Variants in METTL15 observed in about 807,000 individuals in gnomAD.
METTL15 encodes the protein 12S rRNA N(4)-cytidine methyltransferase METTL15.
In METTL15, 34 loss-of-function variants were observed where a neutral mutation model predicts 38.3. The ratio of observed to expected loss-of-function variants is 0.89; its 90% CI spans 0.68 to 1.18. The LOEUF is 1.18. Ranked by LOEUF, METTL15 falls within the 50% of genes most tolerant of loss-of-function variation. METTL15 has a pLI of 0.00. For synonymous variants in METTL15, 162 were observed against 170.9 expected (o/e 0.95, Z 0.41); for missense variants, 438 against 498.4 (o/e 0.88, Z 1.15).
In METTL15 at chr11:28,365,550, G is replaced by A. The variant is rs149002556; in HGVS notation, c.*358+3514G>A. Among the ~76,000 whole-genome samples the A allele has an allele frequency of 4.7e-4, 72 of 151,940 alleles. 1 individual carries two copies. In the East Asian group the frequency reaches 0.013, roughly 27 times the overall value. ...TTGTCATATCTGATTGCATTTATTT[G>A]AATCTTCTCTCTTTTTTTTTCTTTA... On this transcript the variant is annotated intron_variant and NMD_transcript_variant, in intron 5 of 7. Coordinates refer to the METTL15 transcript ENST00000532947.
Position 28,330,479 on chromosome 11 carries a change from C to T in METTL15, c.862C>T (p.Leu288Phe), listed in dbSNP as rs1394784756. Residue 288 changes from leucine to phenylalanine, a missense_variant, in exon 7 of 7, where the codon CTT becomes TTT. Physicochemically the swap from Leu to Phe is conservative, Grantham distance 22. Coordinates refer to ENST00000407364, the MANE Select transcript of METTL15 (RefSeq NM_001113528.2). ...TATTGCCACCAAGACTTTCCAGGCTCTTCGCATATTTGTGAACAATGAGCT... is the reference window on the plus strand; with the variant it reads ...TATTGCCACCAAGACTTTCCAGGCTTTTCGCATATTTGTGAACAATGAGCT... Reference protein sequence around the residue: ...THIATKTFQALRIFVNNELNE... With the variant: ...THIATKTFQAFRIFVNNELNE... 4 of 1,551,444 alleles carry T rather than the reference C, an allele frequency of 2.6e-6. No individual in the cohort carries two copies. The highest frequency in any genetic ancestry group is 2.6e-6 in the Non-Finnish European group (3 of 1,146,890).
chr11:28,426,421 T>C (rs1850864885), intron 6 of METTL15, among the ~76,000 whole-genome samples: 1 of 152,168 alleles, frequency 6.6e-6, no homozygotes, highest in East Asian at 1.9e-4. Flanking sequence ...ATGATTTATA[T>C]TCCTTTCAGT....
intron 5 of METTL15, among the ~76,000 whole-genome samples, chr11:28,411,784 A>G (rs866126303): frequency 1.3e-5 from 2 of 152,212 alleles, no homozygotes; most frequent in Middle Eastern, 6.8e-3. Flanking sequence ...AGAGACCACA[A>G]TCAACAAAAT....
At chr11:28,323,864 G>C (rs754016858) in intron 6 of METTL15, among the ~76,000 whole-genome samples, 2 of 152,146 alleles carry the variant, frequency 1.3e-5, no homozygotes, top group Non-Finnish European at 2.9e-5. Context: ...AGAATGGAGT[G>C]CCTCTAATAA....
chr11:28,350,772 A>T (rs1850034199), intron 3 of METTL15, among the ~76,000 whole-genome samples: 1 of 152,236 alleles, frequency 6.6e-6, no homozygotes, highest in South Asian at 2.1e-4. Flanking sequence ...GCACTATAAG[A>T]CAAAAATCTC....
At chr11:28,515,961 A>G (rs905309106) in intron 6 of METTL15, among the ~76,000 whole-genome samples, 3 of 152,236 alleles carry the variant, frequency 2.0e-5, no homozygotes, top group Admixed American at 6.5e-5. Flanking sequence ...ATAGACAGCT[A>G]TCTGTTTCTG....
chr11:28,426,785 T>G (rs1850869541), intron 6 of METTL15, among the ~76,000 whole-genome samples: 1 of 151,952 alleles, frequency 6.6e-6, no homozygotes, highest in Non-Finnish European at 1.5e-5. Flanking sequence ...ATGGTGTTGT[T>G]TATTTTTTTT....
intron 3 of METTL15, among the ~76,000 whole-genome samples, chr11:28,180,163 A>G (rs550071962): frequency 6.6e-6 from 1 of 152,012 alleles, no homozygotes; most frequent in Non-Finnish European, 1.5e-5. Flanking sequence ...AATGTTCTGT[A>G]AGAGTACAAA....
chr11:28,117,271 A>G (rs796512571), intron 3 of METTL15, among the ~76,000 whole-genome samples: 61,927 of 102,882 alleles, frequency 0.6, 16,614 homozygotes, highest in Admixed American at 0.69. Flanking sequence ...ATATATATAT[A>G]TATATATATA....
At chr11:28,134,505 T>C (rs1167695987) in intron 3 of METTL15, 6 of 398,288 alleles carry the variant, frequency 1.5e-5, no homozygotes, top group Non-Finnish European at 2.7e-5. Flanking sequence ...GTACTGTCTG[T>C]CAAAAGCAAG....
chr11:28,466,136 C>T (rs907851648), intron 6 of METTL15, among the ~76,000 whole-genome samples: 4 of 152,150 alleles, frequency 2.6e-5, no homozygotes, highest in Non-Finnish European at 4.4e-5. Flanking sequence ...AGGCCAACAA[C>T]AATGTTGGCC....
intron 4 of METTL15, among the ~76,000 whole-genome samples, chr11:28,255,625 G>A (rs1241001868): frequency 6.6e-6 from 1 of 152,122 alleles, no homozygotes; most frequent in Non-Finnish European, 1.5e-5. Context: ...TTTTCCTTCA[G>A]TACCCAGTTT....
At chr11:28,334,135 G>A (rs1849878901), downstream of METTL15, among the ~76,000 whole-genome samples, 1 of 151,786 alleles carries the variant, frequency 6.6e-6, no homozygotes, top group African/African-American at 2.4e-5. Context: ...GAAGCTAACT[G>A]TTTAGGAAGA....
rs548738929 is a variant in METTL15, at chr11:28,114,173, A to AT, written c.270+577dup. On this transcript the variant is annotated intron_variant, in intron 3 of 6. Coordinates refer to ENST00000407364, the MANE Select transcript of METTL15 (RefSeq NM_001113528.2). ...CCCAGCCCCTGACAACCACTAAGCTATTTTTTTTGTCTCTATGAATTTGCT... is the reference window on the plus strand; with the variant it reads ...CCCAGCCCCTGACAACCACTAAGCTATTTTTTTTTGTCTCTATGAATTTGCT... Among the ~76,000 whole-genome samples, 6 of 151,806 alleles carry AT rather than the reference A, an allele frequency of 4.0e-5. No individual in the cohort carries two copies. The South Asian group carries it at 1.2e-3, about 32-fold the overall frequency.
At chr11:28,236,327 G>A (rs1354246605) in intron 4 of METTL15, among the ~76,000 whole-genome samples, 1 of 152,148 alleles carries the variant, frequency 6.6e-6, no homozygotes, top group African/African-American at 2.4e-5. Flanking sequence ...CTCATAAAAT[G>A]AGTTAGGGAG....
intron 6 of METTL15, among the ~76,000 whole-genome samples, chr11:28,326,825 G>A (rs757604203): frequency 1.8e-4 from 27 of 151,896 alleles, no homozygotes; most frequent in South Asian, 6.3e-4. Context: ...TCACCATGTT[G>A]CCCAGGTTGG....
intron 6 of METTL15, among the ~76,000 whole-genome samples, chr11:28,518,777 C>A (rs1851740164): frequency 6.6e-6 from 1 of 152,164 alleles, no homozygotes. Flanking sequence ...ATATCAGAAG[C>A]CCCCCAGAAG....
At chr11:28,141,312 G>C (rs955906736) in intron 3 of METTL15, among the ~76,000 whole-genome samples, 1 of 152,108 alleles carries the variant, frequency 6.6e-6, no homozygotes, top group Non-Finnish European at 1.5e-5. Context: ...TCACGGTCCT[G>C]TTGGTATCAG....
chr11:28,480,210 A>G (rs1291654962), intron 6 of METTL15, among the ~76,000 whole-genome samples: 2 of 152,322 alleles, frequency 1.3e-5, no homozygotes, highest in South Asian at 2.1e-4. Context: ...TTAAGTATAT[A>G]TACTCAACAA....
Sources: allele counts gnomAD v4.1 joint callset (sites outside exome capture counted in the v4.1 genomes callset), GRCh38; gene constraint gnomAD v4.1.1; transcripts MANE v1.5; gene names NCBI Gene and HGNC (gene_info 2026-07-23, HGNC 2026-07-21).